Variants in RAPGEF5 observed in about 807,000 individuals in gnomAD.
RAPGEF5 encodes the protein Rap guanine nucleotide exchange factor 5, also known as M-Ras-regulated GEF.
A neutral mutation model predicts 125.2 loss-of-function variants in RAPGEF5; 65 were observed. The ratio of observed to expected loss-of-function variants is 0.52; its 90% CI spans 0.43 to 0.64. RAPGEF5 has a LOEUF of 0.64. Ranked by LOEUF, RAPGEF5 falls within the 30% of genes least tolerant of loss-of-function variation. The pLI is 0.00. For missense variants in RAPGEF5, 958 were observed against 1,048.1 expected (o/e 0.91, Z 1.19); for synonymous variants, 391 against 385.9 (o/e 1.01, Z -0.16).
At chr7:22,219,126 T>C (rs953952446) in intron 9 of RAPGEF5, among the ~76,000 whole-genome samples, 1 of 152,132 alleles carries the variant, frequency 6.6e-6, no homozygotes, top group African/African-American at 2.4e-5. Context: ...TGAGCAATCC[T>C]GGATAGTGCA....
intron 1 of RAPGEF5, among the ~76,000 whole-genome samples, chr7:22,352,264 T>C (rs554616258): frequency 6.6e-6 from 1 of 152,230 alleles, no homozygotes; most frequent in South Asian, 2.1e-4. Flanking sequence ...AGTTCTTTTA[T>C]TAGGGGGAAA....
intron 7 of RAPGEF5, among the ~76,000 whole-genome samples, chr7:22,265,472 T>C (rs1341816079): frequency 1.3e-5 from 2 of 152,248 alleles, no homozygotes; most frequent in Non-Finnish European, 2.9e-5. Flanking sequence ...TTTCATTGTG[T>C]ATACGTGCCA....
At chr7:22,302,754 G>A (rs1393313340) in intron 5 of RAPGEF5, among the ~76,000 whole-genome samples, 1 of 150,486 alleles carries the variant, frequency 6.6e-6, no homozygotes, top group Admixed American at 6.6e-5. Context: ...TTACTAAAGG[G>A]TGCTTCTTCC....
chr7:22,353,423 T>C (rs183576264), intron 1 of RAPGEF5, among the ~76,000 whole-genome samples: 41 of 152,348 alleles, frequency 2.7e-4, no homozygotes, highest in Middle Eastern at 6.8e-3. Flanking sequence ...GCTGTTGTTT[T>C]TAATGTCCTT....
intron 9 of RAPGEF5, among the ~76,000 whole-genome samples, chr7:22,201,974 G>C (rs1380076711): frequency 6.6e-6 from 1 of 152,142 alleles, no homozygotes; most frequent in Admixed American, 6.5e-5. Flanking sequence ...GCATGGCCTG[G>C]CAAATGATGG....
At chr7:22,220,255 A>C in intron 8 of RAPGEF5, 1 of 334,100 alleles carries the variant, frequency 3.0e-6, no homozygotes, top group Non-Finnish European at 5.5e-6. Flanking sequence ...TTTGCTACTA[A>C]GTGTGCGCCT....
At chr7:22,224,012 C>T (rs1191670978) in intron 8 of RAPGEF5, among the ~76,000 whole-genome samples, 3 of 152,082 alleles carry the variant, frequency 2.0e-5, no homozygotes, top group African/African-American at 7.2e-5. Flanking sequence ...AATGAATGAA[C>T]GCAGCTACAT....
At chr7:22,246,797 C>A (rs952128304) in intron 7 of RAPGEF5, among the ~76,000 whole-genome samples, 8 of 152,094 alleles carry the variant, frequency 5.3e-5, no homozygotes, top group Non-Finnish European at 1.0e-4. Flanking sequence ...AGACAAACTA[C>A]AACATGGGGG....
At chr7:22,298,443 T>C (rs1783117480) in intron 5 of RAPGEF5, among the ~76,000 whole-genome samples, 1 of 152,128 alleles carries the variant, frequency 6.6e-6, no homozygotes, top group Admixed American at 6.5e-5. Context: ...ACTCCCAAAG[T>C]GTAGGGATTA....
At chr7:22,325,500 G>A (rs1783797103) in intron 1 of RAPGEF5, among the ~76,000 whole-genome samples, 1 of 152,174 alleles carries the variant, frequency 6.6e-6, no homozygotes, top group Non-Finnish European at 1.5e-5. Context: ...CATAGAGAGT[G>A]CAGAGTGTGC....
chr7:22,261,729 G>C (rs1051692741), intron 7 of RAPGEF5, among the ~76,000 whole-genome samples: 3 of 152,110 alleles, frequency 2.0e-5, no homozygotes, highest in Admixed American at 2.0e-4. Flanking sequence ...CTGTTCAATG[G>C]AACAGAACAA....
At chr7:22,158,796 T>A (rs1351931093) in intron 14 of RAPGEF5, among the ~76,000 whole-genome samples, 1 of 152,008 alleles carries the variant, frequency 6.6e-6, no homozygotes, top group Admixed American at 6.6e-5. Flanking sequence ...CAGCTAAGTT[T>A]CTATTTTTTG....
intron 7 of RAPGEF5, among the ~76,000 whole-genome samples, chr7:22,261,018 T>C (rs1410939869): frequency 6.6e-6 from 1 of 152,204 alleles, no homozygotes; most frequent in Non-Finnish European, 1.5e-5. Context: ...ATAGGGTAAC[T>C]GGCTTAACAT....
chr7:22,122,807 G>A (rs778688829), intron 25 of RAPGEF5, among the ~76,000 whole-genome samples: 2 of 152,184 alleles, frequency 1.3e-5, no homozygotes, highest in Non-Finnish European at 2.9e-5. Flanking sequence ...TGGGGAAACT[G>A]AGCACAGTCA....
chr7:22,299,974 T>C (rs998936362), intron 5 of RAPGEF5, among the ~76,000 whole-genome samples: 4 of 152,222 alleles, frequency 2.6e-5, no homozygotes, highest in Non-Finnish European at 5.9e-5. Context: ...CTCTGAGTGC[T>C]CCTGTTTGGG....
intron 11 of RAPGEF5, among the ~76,000 whole-genome samples, chr7:22,185,943 C>T (rs903948559): frequency 5.9e-5 from 9 of 152,252 alleles, no homozygotes; most frequent in Admixed American, 5.2e-4. Context: ...AAACCTCCCC[C>T]TCTAGCATTC....
intron 5 of RAPGEF5, among the ~76,000 whole-genome samples, chr7:22,302,317 G>GAAAAC (rs1783227212): frequency 6.6e-6 from 1 of 152,126 alleles, no homozygotes; most frequent in Non-Finnish European, 1.5e-5. Flanking sequence ...CAGAAGCCAT[G>GAAAAC]TGGCTGAACA....
chr7:22,290,270 T>G (rs1782898640), intron 6 of RAPGEF5, among the ~76,000 whole-genome samples: 2 of 152,278 alleles, frequency 1.3e-5, no homozygotes, highest in African/African-American at 2.4e-5. Flanking sequence ...AAATAATTTT[T>G]GGGGAAGGCT....
chr7:22,275,441 T>C (rs938991527), intron 6 of RAPGEF5, among the ~76,000 whole-genome samples: 2 of 152,196 alleles, frequency 1.3e-5, no homozygotes, highest in Admixed American at 1.3e-4. Context: ...ATCATTAACT[T>C]CAAGTATTTC....
Sources: allele counts gnomAD v4.1 joint callset (sites outside exome capture counted in the v4.1 genomes callset), GRCh38; gene constraint gnomAD v4.1.1; transcripts MANE v1.5; gene names NCBI Gene and HGNC (gene_info 2026-07-23, HGNC 2026-07-21).